The following PDE4D variants were observed in gnomAD, a reference collection of about 807,000 sequenced individuals.
PDE4D encodes the protein 3',5'-cyclic-AMP phosphodiesterase 4D.
A neutral mutation model predicts 87.4 loss-of-function variants in PDE4D; 24 were observed. The ratio of observed to expected loss-of-function variants is 0.27; its 90% CI spans 0.20 to 0.39. The LOEUF (loss-of-function observed/expected upper bound fraction) is 0.39, where lower values mean the gene tolerates loss of function less well. Ranked by LOEUF, PDE4D falls within the 10% of genes least tolerant of loss-of-function variation. PDE4D has a pLI of 1.00. For missense variants in PDE4D, 714 were observed against 1,041.0 expected (o/e 0.69, Z 4.32); for synonymous variants, 384 against 383.2 (o/e 1.00, Z -0.02).
At chr5:59,716,386 A>G (rs953458543) in intron 1 of PDE4D, among the ~76,000 whole-genome samples, 2 of 152,200 alleles carry the variant, frequency 1.3e-5, no homozygotes, top group African/African-American at 4.8e-5. Flanking sequence ...GCTACCCGCC[A>G]CTTGCCCACC....
chr5:60,314,007 C>T (rs948985137), intron 1 of PDE4D, among the ~76,000 whole-genome samples: 1 of 152,162 alleles, frequency 6.6e-6, no homozygotes, highest in Non-Finnish European at 1.5e-5. Context: ...AAGCTAGAAG[C>T]ATTCCCCTTG....
intron 6 of PDE4D, among the ~76,000 whole-genome samples, chr5:59,029,799 C>A (rs957511172): frequency 3.9e-5 from 6 of 152,130 alleles, no homozygotes; most frequent in Non-Finnish European, 7.3e-5. Flanking sequence ...TATTATAAAG[C>A]TACTGTAATC....
At chr5:59,716,047 A>G (rs182289757) in intron 1 of PDE4D, among the ~76,000 whole-genome samples, 26 of 152,310 alleles carry the variant, frequency 1.7e-4, no homozygotes, top group African/African-American at 6.3e-4. Context: ...CTGTGTGTCC[A>G]AGGCCTGTGT....
chr5:59,525,289 A>G (rs1812898717), intron 1 of PDE4D, among the ~76,000 whole-genome samples: 1 of 152,250 alleles, frequency 6.6e-6, no homozygotes, highest in African/African-American at 2.4e-5. Flanking sequence ...GATGTAAGAC[A>G]TGGAGTCAAA....
At chr5:59,354,722 A>C (rs892830128) in intron 1 of PDE4D, among the ~76,000 whole-genome samples, 6 of 152,178 alleles carry the variant, frequency 3.9e-5, no homozygotes, top group Non-Finnish European at 7.4e-5. Flanking sequence ...ACTCAATTCA[A>C]CTTATGATAG....
chr5:60,347,380 G>C (rs181023590), intron 1 of PDE4D, among the ~76,000 whole-genome samples: 4 of 152,066 alleles, frequency 2.6e-5, no homozygotes, highest in Admixed American at 2.0e-4. Context: ...AAACATAAAG[G>C]GTTTTGCTTT....
chr5:60,363,478 C>G (rs1760258814), intron 1 of PDE4D, among the ~76,000 whole-genome samples: 1 of 152,184 alleles, frequency 6.6e-6, no homozygotes, highest in African/African-American at 2.4e-5. Flanking sequence ...CTAACAAATA[C>G]TTTTGAGCAC....
At chr5:59,672,674 A>G (rs937364761) in intron 1 of PDE4D, among the ~76,000 whole-genome samples, 9 of 152,216 alleles carry the variant, frequency 5.9e-5, no homozygotes, top group African/African-American at 2.2e-4. Context: ...TTGATGTAAT[A>G]CAAAAAGTCC....
chr5:59,100,826 C>T (rs1770611542), intron 5 of PDE4D, among the ~76,000 whole-genome samples: 1 of 152,168 alleles, frequency 6.6e-6, no homozygotes, highest in African/African-American at 2.4e-5. Flanking sequence ...GAGACCAGGG[C>T]TGCCCTTTCA....
intron 1 of PDE4D, among the ~76,000 whole-genome samples, chr5:59,218,700 C>T (rs1357142104): frequency 6.6e-6 from 1 of 151,996 alleles, no homozygotes; most frequent in Non-Finnish European, 1.5e-5. Context: ...TTCTTAGGAA[C>T]TCATGAAAAT....
At chr5:59,454,279 C>T (rs867903446) in intron 1 of PDE4D, among the ~76,000 whole-genome samples, 3 of 152,310 alleles carry the variant, frequency 2.0e-5, no homozygotes, top group South Asian at 4.1e-4. Context: ...TTGATTGTAA[C>T]TCCCACAATT....
chr5:60,366,872 C>A (rs908923106), intron 1 of PDE4D, among the ~76,000 whole-genome samples: 1 of 152,102 alleles, frequency 6.6e-6, no homozygotes, highest in Admixed American at 6.5e-5. Flanking sequence ...ATTAAAAGGG[C>A]ATGAATATCT....
intron 1 of PDE4D, among the ~76,000 whole-genome samples, chr5:59,792,124 T>C (rs1765863149): frequency 1.3e-5 from 2 of 152,012 alleles, no homozygotes; most frequent in Non-Finnish European, 2.9e-5. Flanking sequence ...AAGAGATAAA[T>C]CCATGAGTAG....
chr5:60,381,762 T>C (rs1255329310), intron 1 of PDE4D, among the ~76,000 whole-genome samples: 1 of 152,058 alleles, frequency 6.6e-6, no homozygotes, highest in East Asian at 1.9e-4. Context: ...CAATGGGCAA[T>C]AGAAAATGTA....
rs1252371018 is a variant in PDE4D at position 59,171,799 on chromosome 5, A to C, written c.808+8796T>G. On this transcript the variant is annotated intron_variant, in intron 5 of 14. Coordinates refer to ENST00000340635, the MANE Select transcript of PDE4D (RefSeq NM_001104631.2). Reference sequence around the variant, plus strand: ...ATGAATACATATTCATATATATTATATATTAAATATATAATATAATTATTT... The same window carrying C: ...ATGAATACATATTCATATATATTATCTATTAAATATATAATATAATTATTT... Among the ~76,000 whole-genome samples the C allele has an allele frequency of 3.3e-5, 4 of 122,204 alleles. No individual in the cohort carries two copies. The East Asian group carries it at 8.1e-4, about 25-fold the overall frequency. 80.2% of individuals were successfully genotyped at this position (122,204 alleles called of 152,430 possible).
At chr5:59,202,669 T>G (rs1377801552) in intron 2 of PDE4D, among the ~76,000 whole-genome samples, 3 of 152,092 alleles carry the variant, frequency 2.0e-5, no homozygotes, top group African/African-American at 4.8e-5. Context: ...GTTGTTCTCA[T>G]AGTAGTGAAT....
chr5:60,008,152 G>T (rs1293758178), intron 2 of PDE4D, among the ~76,000 whole-genome samples: 4 of 151,864 alleles, frequency 2.6e-5, no homozygotes, highest in African/African-American at 7.2e-5. Flanking sequence ...TAATTGCTCT[G>T]CCCTATGAAA....
Position 60,084,389 on chromosome 5 carries a change from CGTGTGT to C in PDE4D, c.43-95678_43-95673del, listed in dbSNP as rs5868220. Among the ~76,000 whole-genome samples, 408 of 151,438 alleles carry C rather than the reference CGTGTGT, an allele frequency of 2.7e-3. 2 individuals are homozygous for C. The highest frequency in any genetic ancestry group is 9.3e-3 in the African/African-American group (384 of 41,342). On this transcript the variant is annotated intron_variant, in intron 2 of 16. Coordinates refer to the PDE4D transcript ENST00000502484. ...ATGACAGTGATTCTTCGCATCTTAACGTGTGTGTGTGTGTGTGCGCGCGCGCGTGTG... is the reference window on the plus strand; with the variant it reads ...ATGACAGTGATTCTTCGCATCTTAACGTGTGTGTGTGCGCGCGCGCGTGTG...
chr5:59,193,696 A>G, intron 2 of PDE4D, 160 bp from the exon 3 acceptor site: 1 of 985,322 alleles, frequency 1.0e-6, no homozygotes, highest in Non-Finnish European at 1.2e-6. Flanking sequence ...CAACTGGGTT[A>G]AAAATATGTC....
Sources: allele counts gnomAD v4.1 joint callset (sites outside exome capture counted in the v4.1 genomes callset), GRCh38; gene constraint gnomAD v4.1.1; transcripts MANE v1.5; gene names NCBI Gene and HGNC (gene_info 2026-07-23, HGNC 2026-07-21).